The following CRYBG1 variants were observed in gnomAD, a reference collection of about 807,000 sequenced individuals.
The protein encoded by CRYBG1 is beta/gamma crystallin domain-containing protein 1.
In CRYBG1, 139 loss-of-function variants were observed where a neutral mutation model predicts 189.2. The observed-to-expected ratio is 0.73, with a 90% CI of 0.64 to 0.85. The LOEUF (loss-of-function observed/expected upper bound fraction) is 0.85. Ranked by LOEUF, CRYBG1 falls within the 40% of genes least tolerant of loss-of-function variation. The pLI is 0.00. For synonymous variants in CRYBG1, 1,023 were observed against 1,017.1 expected, an observed-to-expected ratio of 1.01 and a Z score of -0.11; for missense variants, 2,611 against 2,675.8, an observed-to-expected ratio of 0.98 and a Z score of 0.53.
At chr6:106,562,731 C>A (rs1412147079) in intron 20 of CRYBG1, among the ~76,000 whole-genome samples, 1 of 152,258 alleles carries the variant, frequency 6.6e-6, no homozygotes, top group African/African-American at 2.4e-5. Flanking sequence ...TCGTGATCCA[C>A]CTGCCTTGGC....
intron 20 of CRYBG1, 126 bp from the exon 21 acceptor site, chr6:106,563,638 C>T: frequency 2.2e-6 from 2 of 921,534 alleles, no homozygotes; most frequent in Non-Finnish European, 3.2e-6. Flanking sequence ...GCTGAACTGC[C>T]TCATGTGGGG....
At chr6:106,449,041 G>A (rs1244017243) in intron 1 of CRYBG1, among the ~76,000 whole-genome samples, 2 of 152,132 alleles carry the variant, frequency 1.3e-5, no homozygotes, top group African/African-American at 4.8e-5. Context: ...AATATATTTT[G>A]TTTTTTATCA....
At chr6:106,456,781 C>A (rs564367748) in intron 2 of CRYBG1, among the ~76,000 whole-genome samples, 1 of 152,232 alleles carries the variant, frequency 6.6e-6, no homozygotes, top group South Asian at 2.1e-4. Context: ...CCAATCTCAC[C>A]TCGTTTCTTA....
chr6:106,412,774 A>T (rs1029268715), intron 1 of CRYBG1, among the ~76,000 whole-genome samples: 2 of 152,176 alleles, frequency 1.3e-5, no homozygotes, highest in South Asian at 2.1e-4. Context: ...TCTGAACCTG[A>T]TGAGGCTCCA....
At chr6:106,430,803 T>G (rs1771311302) in intron 1 of CRYBG1, among the ~76,000 whole-genome samples, 1 of 152,154 alleles carries the variant, frequency 6.6e-6, no homozygotes, top group African/African-American at 2.4e-5. Flanking sequence ...AAAATAACTA[T>G]GCTTCAACAT....
chr6:106,541,740 T>A (rs998696605), intron 10 of CRYBG1, 119 bp downstream of exon 10: 2 of 764,508 alleles, frequency 2.6e-6, no homozygotes, highest in Non-Finnish European at 4.2e-6. Context: ...TTATGTGACT[T>A]CTCATATTAA....
chr6:106,409,283 G>GT (rs1770881205), intron 1 of CRYBG1, among the ~76,000 whole-genome samples: 1 of 152,118 alleles, frequency 6.6e-6, no homozygotes, highest in Non-Finnish European at 1.5e-5. Flanking sequence ...TTGCTACAAA[G>GT]AGAATAAAAT....
chr6:106,360,965 C>A lies in CRYBG1; in HGVS notation c.57C>A (p.Pro19=). The A allele has an allele frequency of 6.5e-7, 1 of 1,535,242 alleles. No individual in the cohort carries two copies. Among genetic ancestry groups the A allele is most frequent in the South Asian group, 1.2e-5 (1 of 84,054 alleles). The part of the protein sequence containing the change: ...GDPGEPSPCR[P]PKKHTTFHLW... Reference sequence around the variant, plus strand: ...CCGGGGAGCCCAGCCCGTGCAGGCCCCCTAAGAAGCACACCACCTTCCACC... The same window carrying A: ...CCGGGGAGCCCAGCCCGTGCAGGCCACCTAAGAAGCACACCACCTTCCACC... The change falls in exon 1 of 22, where the codon CCC becomes CCA. Residue 19 remains proline (P), a synonymous_variant. Coordinates refer to ENST00000633556, the MANE Select transcript of CRYBG1 (RefSeq NM_001371242.2).
intron 2 of CRYBG1, among the ~76,000 whole-genome samples, chr6:106,461,539 G>A (rs748682917): frequency 2.0e-5 from 3 of 152,128 alleles, no homozygotes; most frequent in Non-Finnish European, 4.4e-5. Context: ...AAACTTGGGG[G>A]TTTGTCTTCT....
chr6:106,363,340 T>G (rs1771918174), intron 1 of CRYBG1, among the ~76,000 whole-genome samples: 1 of 152,160 alleles, frequency 6.6e-6, no homozygotes, highest in Non-Finnish European at 1.5e-5. Context: ...CTTCATTTTT[T>G]CCTTCAGAAC....
intron 1 of CRYBG1, among the ~76,000 whole-genome samples, chr6:106,423,251 GTTTTTTTT>G (rs5878887): frequency 1.2e-5 from 1 of 80,872 alleles, no homozygotes; most frequent in Non-Finnish European, 2.3e-5. Flanking sequence ...GAGTTGGCTG[GTTTTTTTT>G]TTTTTTTTTT....
intron 2 of CRYBG1, among the ~76,000 whole-genome samples, chr6:106,481,118 C>T (rs970454050): frequency 3.8e-5 from 4 of 103,918 alleles, no homozygotes; most frequent in African/African-American, 8.2e-5. Context: ...GGACTACAGG[C>T]GCCCGCCACC....
intron 3 of CRYBG1, among the ~76,000 whole-genome samples, chr6:106,513,699 A>G (rs1038832110): frequency 2.0e-5 from 3 of 152,240 alleles, no homozygotes; most frequent in South Asian, 4.1e-4. Context: ...TATTTGCTAC[A>G]TGAAAGCAGC....
intron 1 of CRYBG1, among the ~76,000 whole-genome samples, chr6:106,445,628 T>C (rs1771650604): frequency 6.6e-6 from 1 of 152,196 alleles, no homozygotes; most frequent in Non-Finnish European, 1.5e-5. Context: ...GGCTAAGCAT[T>C]TTACAAGTTT....
intron 1 of CRYBG1, among the ~76,000 whole-genome samples, chr6:106,365,688 T>A (rs1321041097): frequency 3.3e-5 from 5 of 150,160 alleles, no homozygotes; most frequent in African/African-American, 9.7e-5. Flanking sequence ...GTATTTTTTT[T>A]TAAAAAAAGC....
intron 2 of CRYBG1, among the ~76,000 whole-genome samples, chr6:106,504,271 A>G (rs1379237177): frequency 1.3e-5 from 2 of 152,168 alleles, no homozygotes; most frequent in African/African-American, 4.8e-5. Context: ...CTCAAGGATT[A>G]TTGGTTATAT....
Position 106,521,139 on chromosome 6 carries a change from G to T in CRYBG1, c.3931G>T (p.Val1311Phe). ...TCTTCTGCCCGACAACTCCTTAAAG[G>T]TCTTCAATTTCAACTCGTCAAGTAC... ...SNLLPDNSLKVFNFNSSSTSH... is the reference protein window; with the variant it reads ...SNLLPDNSLKFFNFNSSSTSH... The change falls in exon 4 of 22, where the codon GTC becomes TTC. Residue 1311 changes from valine (V) to phenylalanine (F), a missense_variant. Coordinates refer to ENST00000633556, the MANE Select transcript of CRYBG1 (RefSeq NM_001371242.2). The T allele has an allele frequency of 6.2e-7, 1 of 1,614,058 alleles. No homozygotes were observed. Among genetic ancestry groups the T allele is most frequent in the Non-Finnish European group, 8.5e-7 (1 of 1,180,020 alleles).
chr6:106,526,629 A>T (rs926969852), intron 6 of CRYBG1, among the ~76,000 whole-genome samples: 2 of 152,146 alleles, frequency 1.3e-5, no homozygotes, highest in Non-Finnish European at 2.9e-5. Context: ...TCTCTAAGAG[A>T]AATGTTTTCT....
At chr6:106,401,959 C>A (rs1305013393) in intron 1 of CRYBG1, among the ~76,000 whole-genome samples, 1 of 151,770 alleles carries the variant, frequency 6.6e-6, no homozygotes, top group Non-Finnish European at 1.5e-5. Context: ...TCTCAGGATA[C>A]AAAATCAATG....
Sources: allele counts gnomAD v4.1 joint callset (sites outside exome capture counted in the v4.1 genomes callset), GRCh38; gene constraint gnomAD v4.1.1; transcripts MANE v1.5; gene names NCBI Gene and HGNC (gene_info 2026-07-23, HGNC 2026-07-21).